FBLN7: variants seen among roughly 807,000 people sequenced by gnomAD.
The protein encoded by FBLN7 is fibulin-7.
In FBLN7, 31 loss-of-function variants were observed where a neutral mutation model predicts 44.0. That is an observed-to-expected ratio of 0.70 (90% CI 0.53 to 0.95). The LOEUF (loss-of-function observed/expected upper bound fraction) is 0.95. Among genes scored for constraint, FBLN7 ranks in the 40% least tolerant of loss-of-function variants. The pLI, the probability that FBLN7 is intolerant of heterozygous loss-of-function variation, is 0.00. For missense variants in FBLN7, 573 were observed against 618.5 expected, an observed-to-expected ratio of 0.93 and a Z score of 0.78; for synonymous variants, 262 against 253.4, an observed-to-expected ratio of 1.03 and a Z score of -0.32.
chr2:112,232,242 G>A, the FBLN7 span, among the ~76,000 whole-genome samples: 6 of 151,482 alleles, frequency 4.0e-5, no homozygotes, highest in Non-Finnish European at 8.8e-5. Context: ...TTTGAACCTG[G>A]GAGGCGGAGG....
chr2:112,192,036 C>T (rs538420234), downstream of FBLN7, among the ~76,000 whole-genome samples: 6 of 152,180 alleles, frequency 3.9e-5, no homozygotes, highest in Non-Finnish European at 8.8e-5. Context: ...CTTTCCTGGA[C>T]CCTTCTATTT....
chr2:112,215,817 T>C, the FBLN7 span: 2 of 152,298 alleles, frequency 1.3e-5, no homozygotes, highest in East Asian at 3.9e-4. Context: ...ATGAGAAAGA[T>C]AAATATTCTT....
the FBLN7 span, chr2:112,234,157 T>C: frequency 6.2e-7 from 1 of 1,603,442 alleles, no homozygotes; most frequent in Non-Finnish European, 8.5e-7. Flanking sequence ...TTTACAAATT[T>C]GTTTTCCCTT....
At chr2:112,199,777 C>G in the FBLN7 span, among the ~76,000 whole-genome samples, 3 of 152,176 alleles carry the variant, frequency 2.0e-5, no homozygotes, top group African/African-American at 7.2e-5. Flanking sequence ...TTAATGAGGC[C>G]TGTGTGGTCA....
chr2:112,160,783 C>G (rs536727064), intron 2 of FBLN7, among the ~76,000 whole-genome samples: 1 of 142,758 alleles, frequency 7.0e-6, no homozygotes, highest in East Asian at 2.0e-4. Context: ...GACGCACACG[C>G]ACGCACACGC....
chr2:112,227,868 G>C, the FBLN7 span, among the ~76,000 whole-genome samples: 1 of 152,138 alleles, frequency 6.6e-6, no homozygotes, highest in African/African-American at 2.4e-5. Context: ...AATTCTATGT[G>C]CAATTTTCCA....
chr2:112,209,283 C>A, the FBLN7 span, among the ~76,000 whole-genome samples: 9 of 152,280 alleles, frequency 5.9e-5, no homozygotes, highest in Middle Eastern at 3.4e-3. Context: ...CCTTTATCTG[C>A]ACCTCCGGCT....
chr2:112,175,415 G>A (rs1410242555), intron 3 of FBLN7, among the ~76,000 whole-genome samples: 1 of 152,252 alleles, frequency 6.6e-6, no homozygotes, highest in African/African-American at 2.4e-5. Context: ...AGAAAATGGT[G>A]CCTGTGGGTG....
At chr2:112,212,952 C>G in the FBLN7 span, 2 of 132,058 alleles carry the variant, frequency 1.5e-5, no homozygotes, top group Non-Finnish European at 3.4e-5. Context: ...GCAAGCACAA[C>G]TCAGAAGAAA....
At chr2:112,175,932 C>T in intron 4 of FBLN7, 93 bp downstream of exon 4, 1 of 1,452,346 alleles carries the variant, frequency 6.9e-7, no homozygotes, top group East Asian at 2.3e-5. Flanking sequence ...ATGTAGGGAG[C>T]TCAGTCCCCC....
At chr2:112,149,683 A>G (rs1681057003) in intron 1 of FBLN7, among the ~76,000 whole-genome samples, 1 of 152,198 alleles carries the variant, frequency 6.6e-6, no homozygotes, top group Non-Finnish European at 1.5e-5. Context: ...CCCTGCCAGG[A>G]CTTTCCATGC....
chr2:112,184,715 ATGTATATATATG>A (rs1377441595), intron 6 of FBLN7, among the ~76,000 whole-genome samples: 7 of 144,036 alleles, frequency 4.9e-5, no homozygotes, highest in African/African-American at 5.1e-5. Context: ...AATATGGTAT[ATGTATATATATG>A]TATATGGTAT....
At chr2:112,201,145 T>G in the FBLN7 span, among the ~76,000 whole-genome samples, 1 of 152,314 alleles carries the variant, frequency 6.6e-6, no homozygotes, top group Admixed American at 6.5e-5. Flanking sequence ...TAAGGCTGCC[T>G]CTGACAACAG....
At chr2:112,150,158 A>C (rs1216359083) in intron 1 of FBLN7, among the ~76,000 whole-genome samples, 1 of 152,144 alleles carries the variant, frequency 6.6e-6, no homozygotes, top group South Asian at 2.1e-4. Flanking sequence ...TGGACCTTAG[A>C]TGGAAGGGGA....
chr2:112,228,117 T>C, the FBLN7 span, among the ~76,000 whole-genome samples: 1 of 152,188 alleles, frequency 6.6e-6, no homozygotes, highest in Non-Finnish European at 1.5e-5. Context: ...GGAACACAAC[T>C]AAGTACAGAA....
chr2:112,229,350 CA>C, the FBLN7 span, among the ~76,000 whole-genome samples: 1 of 152,190 alleles, frequency 6.6e-6, no homozygotes, highest in African/African-American at 2.4e-5. Context: ...CCTAGAGTTA[CA>C]GTTATACTCT....
At chr2:112,223,267 G>GA in the FBLN7 span, among the ~76,000 whole-genome samples, 5 of 148,896 alleles carry the variant, frequency 3.4e-5, no homozygotes, top group East Asian at 2.0e-4. Context: ...TTTAAAAAAA[G>GA]AAAAAAAAAG....
intron 1 of FBLN7, among the ~76,000 whole-genome samples, chr2:112,146,926 G>A (rs187574838): frequency 1.3e-5 from 2 of 152,276 alleles, no homozygotes; most frequent in African/African-American, 4.8e-5. Flanking sequence ...TATGGTTCTG[G>A]CTGTAGGTTT....
chr2:112,149,632 G>T (rs1325181738), intron 1 of FBLN7, among the ~76,000 whole-genome samples: 1 of 152,182 alleles, frequency 6.6e-6, no homozygotes, highest in Non-Finnish European at 1.5e-5. Flanking sequence ...CTCCAGAGAA[G>T]ACTCCCAGGG....
Sources: allele counts gnomAD v4.1 joint callset (sites outside exome capture counted in the v4.1 genomes callset), GRCh38; gene constraint gnomAD v4.1.1; transcripts MANE v1.5; gene names NCBI Gene and HGNC (gene_info 2026-07-23, HGNC 2026-07-21).